Variants in STK33 observed in about 807,000 individuals in gnomAD.
The protein encoded by STK33 is serine/threonine-protein kinase 33.
STK33 carries 52 observed loss-of-function variants against 58.0 expected under a neutral mutation model. The observed-to-expected ratio is 0.90, with a 90% confidence interval of 0.72 to 1.13. The LOEUF is 1.13. Ranked by LOEUF, STK33 falls within the 50% of genes most tolerant of loss-of-function variation. The probability of loss-of-function intolerance (pLI) is 0.00; values close to 1 mark genes in which losing one functional copy is unlikely to be tolerated. For missense variants in STK33, 630 were observed against 604.2 expected, an observed-to-expected ratio of 1.04 and a Z score of -0.45; for synonymous variants, 215 against 200.1, an observed-to-expected ratio of 1.07 and a Z score of -0.63.
Position 8,428,215 on chromosome 11 carries a change from A to G in STK33, c.1146+7279T>C, listed in dbSNP as rs935941419. ...AAGAAGTCAATGCCTACAACGAGTT[A>G]ATTCCCACACATTTTCCTTGGCTTC... On this transcript the variant is annotated intron_variant, in intron 14 of 15. Transcript: ENST00000687296. Among the ~76,000 whole-genome samples, 3 of 152,186 alleles carry G rather than the reference A, an allele frequency of 2.0e-5. 1 individual carries two copies. Among genetic ancestry groups the G allele is most frequent in the South Asian group, 4.1e-4 (2 of 4,824 alleles).
chr11:8,469,466 T>C (rs1218093051), intron 6 of STK33, among the ~76,000 whole-genome samples: 2 of 152,196 alleles, frequency 1.3e-5, no homozygotes, highest in East Asian at 1.9e-4. Flanking sequence ...ATTATATCTA[T>C]AGTTACTTTA....
chr11:8,423,451 G>C (rs2135947422), intron 14 of STK33, among the ~76,000 whole-genome samples: 2 of 151,844 alleles, frequency 1.3e-5, no homozygotes, highest in Admixed American at 1.3e-4. Context: ...CTCAGTTCTA[G>C]GAATTTAAAT....
intron 1 of STK33, chr11:8,566,025 A>T (rs375001235): frequency 6.6e-6 from 1 of 152,200 alleles, no homozygotes; most frequent in Admixed American, 6.5e-5. Context: ...AAAAGGCTTT[A>T]TTTAACCTAC....
intron 1 of STK33, among the ~76,000 whole-genome samples, chr11:8,504,825 A>G (rs1395563289): frequency 2.6e-5 from 4 of 152,112 alleles, no homozygotes; most frequent in Non-Finnish European, 5.9e-5. Context: ...AATAAATTAT[A>G]TAAACTTATA....
At position 8,500,094 on chromosome 11, in the gene STK33, TACTTA is replaced by T. The variant is rs200155766; in HGVS notation, c.-465-19485_-465-19481del. 7.0e-3 allele frequency among the ~76,000 whole-genome samples: 1,061 copies of T among 152,188 alleles called. 13 individuals carry two copies. The highest frequency in any genetic ancestry group is 0.023 in the African/African-American group (966 of 41,550). On this transcript the variant is annotated intron_variant, in intron 1 of 15. Transcript: ENST00000687296. ...TTTTAAAAAAACATAAGTAACATCA[TACTTA>T]ACGGTGAAAGATTGAAAGCTTTCCT...
chr11:8,393,875 C>T (rs1382494305), intron 15 of STK33, among the ~76,000 whole-genome samples: 2 of 152,100 alleles, frequency 1.3e-5, no homozygotes, highest in African/African-American at 2.4e-5. Flanking sequence ...TCCTGTAAGA[C>T]TTTTGGCACC....
At chr11:8,347,566 G>A in the STK33 span, among the ~76,000 whole-genome samples, 606 of 152,320 alleles carry the variant, frequency 4.0e-3, 6 homozygotes, top group African/African-American at 0.014. Flanking sequence ...GACTACAGCC[G>A]AGAGAAACGA....
At chr11:8,501,832 A>T (rs1406909185) in intron 1 of STK33, among the ~76,000 whole-genome samples, 1 of 152,168 alleles carries the variant, frequency 6.6e-6, no homozygotes, top group Non-Finnish European at 1.5e-5. Flanking sequence ...TGAATAAAGA[A>T]AACATGGTAT....
At chr11:8,520,988 T>TAAATTTATAATTTATAAGG (rs1953371664) in intron 1 of STK33, among the ~76,000 whole-genome samples, 3 of 151,168 alleles carry the variant, frequency 2.0e-5, no homozygotes, top group East Asian at 3.9e-4. Context: ...GATCTTTATC[T>TAAATTTATAATTTATAAGG]AAATTTATAA....
chr11:8,365,956 T>C, the STK33 span, among the ~76,000 whole-genome samples: 29 of 152,238 alleles, frequency 1.9e-4, no homozygotes, highest in Non-Finnish European at 5.9e-5. Flanking sequence ...TATCTGTCTG[T>C]CTCGGTCTAT....
Position 8,489,271 on chromosome 11 carries a change from A to AAG in STK33, c.-465-8658_-465-8657insCT, listed in dbSNP as rs200327023. ...GAAGCTATCTCCAAAAAAAAAAAAA[A>AAG]GAAAAAAAAAAAGAAAGAAAAGAAA... On this transcript the variant is annotated intron_variant, in intron 1 of 15. Transcript: ENST00000687296. Among the ~76,000 whole-genome samples the AAG allele has an allele frequency of 1.1e-3, 69 of 62,354 alleles. No individual in the cohort carries two copies. The East Asian group carries it at 0.042, about 38-fold the overall frequency. The allele number at this position is 62,354 out of a possible 152,430, so 40.9% of individuals were successfully genotyped here.
the STK33 span, among the ~76,000 whole-genome samples, chr11:8,351,782 G>C: frequency 6.6e-6 from 1 of 152,094 alleles, no homozygotes; most frequent in Non-Finnish European, 1.5e-5. Flanking sequence ...ATTCCACCTC[G>C]GCCTCGCACT....
At chr11:8,409,379 CT>C (rs1464557023) in intron 15 of STK33, among the ~76,000 whole-genome samples, 1 of 152,152 alleles carries the variant, frequency 6.6e-6, no homozygotes, top group East Asian at 1.9e-4. Flanking sequence ...CATGCAAACA[CT>C]TTTAAGGTCT....
At chr11:8,520,688 T>C (rs1953333554) in intron 1 of STK33, among the ~76,000 whole-genome samples, 1 of 151,642 alleles carries the variant, frequency 6.6e-6, no homozygotes, top group Non-Finnish European at 1.5e-5. Context: ...CAAGGATTCC[T>C]ATATACCAAT....
At chr11:8,518,121 C>T (rs1952990588) in intron 1 of STK33, among the ~76,000 whole-genome samples, 1 of 152,302 alleles carries the variant, frequency 6.6e-6, no homozygotes, top group Admixed American at 6.5e-5. Flanking sequence ...AAGGGAAGCC[C>T]ATCAGACTAA....
chr11:8,593,980 T>C (rs2033032385), intron 1 of STK33, 103 bp downstream of exon 1: 1 of 152,222 alleles, frequency 6.6e-6, no homozygotes. Context: ...GAGGCCCGTT[T>C]TTCCACCGCG....
intron 1 of STK33, among the ~76,000 whole-genome samples, chr11:8,513,991 C>G (rs1952554234): frequency 1.3e-5 from 2 of 151,830 alleles, no homozygotes; most frequent in African/African-American, 4.8e-5. Context: ...GCTCTGGTAA[C>G]CATCCTTCTA....
At chr11:8,586,377 C>G (rs749674136) in intron 1 of STK33, among the ~76,000 whole-genome samples, 1 of 152,114 alleles carries the variant, frequency 6.6e-6, no homozygotes, top group Non-Finnish European at 1.5e-5. Flanking sequence ...CACCTCTAGG[C>G]CTTTGAGTCT....
chr11:8,390,294 G>A (rs954469236), downstream of STK33, among the ~76,000 whole-genome samples: 24 of 152,194 alleles, frequency 1.6e-4, no homozygotes, highest in Non-Finnish European at 2.5e-4. Context: ...GACAGACTAT[G>A]TCCCGCTGGA....
Sources: allele counts gnomAD v4.1 joint callset (sites outside exome capture counted in the v4.1 genomes callset), GRCh38; gene constraint gnomAD v4.1.1; transcripts MANE v1.5; gene names NCBI Gene and HGNC (gene_info 2026-07-23, HGNC 2026-07-21).